Variants in ABCB11 observed in about 807,000 individuals in gnomAD.
ABCB11 encodes the protein bile salt export pump.
A neutral mutation model predicts 148.0 loss-of-function variants in ABCB11; 95 were observed. That is an observed-to-expected ratio of 0.64 (90% confidence interval 0.54 to 0.76). ABCB11 has a LOEUF of 0.76. Among genes scored for constraint, ABCB11 ranks in the 30% least tolerant of loss-of-function variants. ABCB11 has a pLI of 0.00. For synonymous variants in ABCB11, 591 were observed against 555.4 expected (o/e 1.06, Z -0.90); for missense variants, 1,523 against 1,617.8 (o/e 0.94, Z 1.01).
chr2:169,029,364 A>G (rs1464155127), intron 1 of ABCB11, among the ~76,000 whole-genome samples: 2 of 152,064 alleles, frequency 1.3e-5, no homozygotes, highest in Non-Finnish European at 2.9e-5. Flanking sequence ...AGCTCAGCAA[A>G]TGATTTCTTT....
chr2:168,971,829 A>G lies in ABCB11; in HGVS notation c.1638+18T>C. 2 of 1,610,124 alleles carry G rather than the reference A, an allele frequency of 1.2e-6. No homozygotes were observed. Among genetic ancestry groups the G allele is most frequent in the East Asian group, 2.2e-5 (1 of 44,768 alleles). On this transcript the variant is annotated intron_variant, in intron 14 of 27. Transcript: ENST00000650372. Reference sequence around the variant, plus strand: ...TATGACCTCTTAGTTTCTCCCAGGAATGTATGGCTAGGGGTACCTGTGGCA... The same window carrying G: ...TATGACCTCTTAGTTTCTCCCAGGAGTGTATGGCTAGGGGTACCTGTGGCA...
At chr2:168,932,690 G>A (rs990483789) in intron 23 of ABCB11, among the ~76,000 whole-genome samples, 157 bp from the exon 24 acceptor site, 1 of 152,178 alleles carries the variant, frequency 6.6e-6, no homozygotes, top group Non-Finnish European at 1.5e-5. Flanking sequence ...GGAGAGGGTG[G>A]TGTTTAAGGG....
At chr2:168,969,604 C>T (rs1462191575) in intron 15 of ABCB11, 53 bp from the exon 16 acceptor site, 2 of 1,461,694 alleles carry the variant, frequency 1.4e-6, no homozygotes, top group Non-Finnish European at 1.9e-6. Flanking sequence ...AGAGCTGACA[C>T]TGACCTTTGC....
At chr2:168,937,269 G>A (rs1373955052) in intron 21 of ABCB11, among the ~76,000 whole-genome samples, 2 of 152,162 alleles carry the variant, frequency 1.3e-5, no homozygotes, top group Non-Finnish European at 2.9e-5. Flanking sequence ...GGACACTGGG[G>A]TTATTTCCAA....
At chr2:168,953,346 T>C (rs1692651103) in intron 19 of ABCB11, among the ~76,000 whole-genome samples, 1 of 151,710 alleles carries the variant, frequency 6.6e-6, no homozygotes, top group African/African-American at 2.4e-5. Flanking sequence ...TTTCTTTAGT[T>C]TTGCTTATAT....
intron 5 of ABCB11, among the ~76,000 whole-genome samples, chr2:169,007,653 AC>A (rs1695063681): frequency 6.6e-6 from 1 of 152,220 alleles, no homozygotes; most frequent in Non-Finnish European, 1.5e-5. Context: ...TTCAGAAGCA[AC>A]AAAAGAATAA....
chr2:168,925,052 T>C (rs1691242375), intron 26 of ABCB11, among the ~76,000 whole-genome samples: 1 of 152,210 alleles, frequency 6.6e-6, no homozygotes, highest in Non-Finnish European at 1.5e-5. Flanking sequence ...CTTTTAGGTT[T>C]ATATTTTCAA....
chr2:168,958,246 A>G (rs1322198423), intron 18 of ABCB11, 118 bp from the exon 19 acceptor site: 5 of 913,482 alleles, frequency 5.5e-6, no homozygotes, highest in Non-Finnish European at 8.5e-6. Flanking sequence ...GTGACCTCAA[A>G]TGTCTATGGG....
chr2:168,950,679 C>T (rs1451378908), intron 19 of ABCB11, among the ~76,000 whole-genome samples: 3 of 151,412 alleles, frequency 2.0e-5, no homozygotes, highest in Admixed American at 2.0e-4. Context: ...GAATATTAGC[C>T]CTTTGTTGGA....
In ABCB11 at chr2:168,923,556, G is replaced by GT. The variant is rs1237643979; in HGVS notation, c.*65dup. On this transcript the variant is annotated 3_prime_UTR_variant, in exon 28 of 28. Coordinates refer to ENST00000650372, the MANE Select transcript of ABCB11 (RefSeq NM_003742.4). ...CCCAGCAATCCCTCCTGCTGGGATT[G>GT]TTTTTTTCTTTAAAAACAACCCCTG... is the stretch of plus-strand genomic sequence containing the variant. 7 of 1,481,804 alleles carry GT rather than the reference G, an allele frequency of 4.7e-6. No individual in the cohort carries two copies. In the Admixed American group the frequency reaches 5.2e-5, roughly 11 times the overall value. The allele number at this position is 1,481,804 out of a possible 1,614,324, so 91.8% of individuals were successfully genotyped here.
intron 26 of ABCB11, among the ~76,000 whole-genome samples, chr2:168,926,798 A>G (rs945012415): frequency 2.6e-5 from 4 of 152,186 alleles, no homozygotes; most frequent in African/African-American, 9.7e-5. Context: ...GGATTTTTTC[A>G]GATTTTGGAA....
chr2:169,001,261 T>C (rs981658552), intron 5 of ABCB11, among the ~76,000 whole-genome samples: 1 of 152,210 alleles, frequency 6.6e-6, no homozygotes, highest in Admixed American at 6.6e-5. Flanking sequence ...TTGCATTTAC[T>C]CATAGTTTTG....
intron 11 of ABCB11, 63 bp downstream of exon 11, chr2:168,979,803 C>T (rs1694071321): frequency 1.1e-6 from 1 of 938,920 alleles, no homozygotes; most frequent in Non-Finnish European, 1.6e-6. Flanking sequence ...TTCAGGAGTT[C>T]ATTCTGTGCC....
rs1019177246 is a variant in ABCB11 at position 168,922,237 on chromosome 2, A to G, written c.*1385T>C. ...AGAGGGGCTGGGAGTTCTTCTGTTC[A>G]TACACAGCTTTACATTCAATCCCCC... On this transcript the variant is annotated 3_prime_UTR_variant, in exon 28 of 28. Coordinates refer to ENST00000650372, the MANE Select transcript of ABCB11 (RefSeq NM_003742.4). 2.0e-5 allele frequency among the ~76,000 whole-genome samples: 3 copies of G among 152,132 alleles called. No individual in the cohort carries two copies. Among genetic ancestry groups the G allele is most frequent in the Non-Finnish European group, 2.9e-5 (2 of 68,014 alleles).
At chr2:169,015,624 T>A (rs1167897270) in intron 3 of ABCB11, among the ~76,000 whole-genome samples, 1 of 152,106 alleles carries the variant, frequency 6.6e-6, no homozygotes, top group Non-Finnish European at 1.5e-5. Flanking sequence ...TGAAATCACC[T>A]ACTCAACAGA....
rs988213086 is a variant in ABCB11 at position 168,921,971 on chromosome 2, C to T, written c.*1651G>A. On this transcript the variant is annotated 3_prime_UTR_variant, in exon 28 of 28. Transcript: ENST00000650372. ...TCACGCCATTCTCCTGCCTCAGCCT[C>T]CTGAGTAGCTGGGACTACAGGCGCC... is the stretch of plus-strand genomic sequence containing the variant. Among the ~76,000 whole-genome samples, 22 of 151,556 alleles carry T rather than the reference C, an allele frequency of 1.5e-4. No individual in the cohort carries two copies. Among genetic ancestry groups the T allele is most frequent in the Non-Finnish European group, 2.8e-4 (19 of 67,932 alleles).
chr2:168,944,758 G>T lies in ABCB11; in HGVS notation c.2457C>A (p.Ala819=), dbSNP rs1398103963. The change falls in exon 21 of 28, where the codon GCC becomes GCA. Residue 819 remains alanine, a synonymous_variant. Transcript: ENST00000650372. ...SLFTQFLQGY[A]FAKSGELLTK... The stretch of plus-strand genomic sequence containing the variant: ...TTAGGAGCTCCCCAGATTTAGCAAA[G>T]GCATATCCCTAAAACATGAAGAGGG... 11 of 1,612,332 alleles carry T rather than the reference G, an allele frequency of 6.8e-6. No individual in the cohort carries two copies. The Admixed American group carries it at 1.5e-4, about 22-fold the overall frequency.
intron 18 of ABCB11, among the ~76,000 whole-genome samples, chr2:168,958,973 T>C (rs1288811238): frequency 6.6e-6 from 1 of 151,726 alleles, no homozygotes; most frequent in Admixed American, 6.6e-5. Context: ...AGCTTTTCTA[T>C]TGACATTTAC....
intron 23 of ABCB11, among the ~76,000 whole-genome samples, chr2:168,932,789 C>CTTT (rs1371650479): frequency 6.6e-6 from 1 of 152,052 alleles, no homozygotes; most frequent in East Asian, 1.9e-4. Flanking sequence ...ACCTCCAAAC[C>CTTT]TTTATTTGAC....
Sources: gnomAD v4.1 joint callset for allele counts (sites outside exome capture counted in the v4.1 genomes callset) on GRCh38, gnomAD v4.1.1 for gene constraint, MANE v1.5 for transcripts, NCBI Gene and HGNC (gene_info 2026-07-23, HGNC 2026-07-21) for gene names.